Variants in MYO10 observed in about 807,000 individuals in gnomAD.
MYO10 encodes myosin X.
A neutral mutation model predicts 257.3 loss-of-function variants in MYO10; 133 were observed. That is an observed-to-expected ratio of 0.52 (90% CI 0.45 to 0.60). The LOEUF is 0.60. Among genes scored for constraint, MYO10 ranks in the 20% least tolerant of loss-of-function variants. MYO10 has a pLI of 0.00. For missense variants in MYO10, 2,399 were observed against 2,635.7 expected (o/e 0.91, Z 1.97); for synonymous variants, 1,104 against 1,028.6 (o/e 1.07, Z -1.40).
chr5:16,681,617 AAAG>A, intron 31 of MYO10, 114 bp from the exon 32 acceptor site: 3 of 1,201,396 alleles, frequency 2.5e-6, no homozygotes, highest in Non-Finnish European at 3.5e-6. Context: ...TTTGCCAGAA[AAAG>A]ACCACGAACA....
Position 16,935,873 on chromosome 5 carries a change from G to A in MYO10, c.-65C>T. The A allele has an allele frequency of 1.3e-6, 2 of 1,594,826 alleles. No individual in the cohort carries two copies. The highest frequency in any genetic ancestry group is 1.7e-6 in the Non-Finnish European group (2 of 1,170,508). ...ACTCGCGGAAGTCAGCGCCGCCGCGGGTCCGGGGAAACCATGCGTGTCACG... is the reference window on the plus strand; with the variant it reads ...ACTCGCGGAAGTCAGCGCCGCCGCGAGTCCGGGGAAACCATGCGTGTCACG... On this transcript the variant is annotated 5_prime_UTR_variant, in exon 1 of 41. Coordinates refer to ENST00000513610, the MANE Select transcript of MYO10 (RefSeq NM_012334.3).
At position 16,663,994 on chromosome 5, in the gene MYO10, G is replaced by C. The variant is rs1053511219; in HGVS notation, c.*2698C>G. 6.6e-6 allele frequency: 1 copy of C among 152,062 alleles called. No homozygotes were observed. The highest frequency in any genetic ancestry group is 2.4e-5 in the African/African-American group (1 of 41,388). 9.4% of individuals were successfully genotyped at this position (152,062 alleles called of 1,614,324 possible). A position where few individuals can be genotyped will look rare whatever the true frequency, so the allele number is the denominator to read the frequency against. ...CAACTGACATCACACACACCAATGA[G>C]TGCATGTAAAAGCAGTAAAATTGGA... is the stretch of plus-strand genomic sequence containing the variant. On this transcript the variant is annotated 3_prime_UTR_variant, in exon 41 of 41. Transcript: ENST00000513610.
intron 19 of MYO10, among the ~76,000 whole-genome samples, chr5:16,738,902 A>T (rs2126628804): frequency 6.6e-6 from 1 of 151,486 alleles, no homozygotes; most frequent in African/African-American, 2.4e-5. Context: ...AAAAAAAAAA[A>T]AAAAAAAAAG....
chr5:16,719,182 CA>C (rs1202470526), intron 19 of MYO10, among the ~76,000 whole-genome samples: 1 of 152,192 alleles, frequency 6.6e-6, no homozygotes, highest in Non-Finnish European at 1.5e-5. Flanking sequence ...ACCACGAGCC[CA>C]CCAGAAGGAA....
At position 16,761,629 on chromosome 5, in the gene MYO10, A is replaced by G. The variant is rs1740716460; in HGVS notation, c.1657-83T>C. 3.1e-6 allele frequency: 3 copies of G among 982,032 alleles called. No individual in the cohort carries two copies. In the South Asian group the frequency reaches 4.2e-5, roughly 14 times the overall value. The allele number at this position is 982,032 out of a possible 1,614,324, so 60.8% of individuals were successfully genotyped here. ...AGCAACTTCCCTGAAAGAGCCACAA[A>G]AAGAAATCATTCCAAGAAATTTATT... On this transcript the variant is annotated intron_variant, in intron 16 of 40. Coordinates refer to ENST00000513610, the MANE Select transcript of MYO10 (RefSeq NM_012334.3).
chr5:16,715,392 ATTTTTTTTTTTTT>A (rs372307063), intron 19 of MYO10, among the ~76,000 whole-genome samples: 1 of 84,340 alleles, frequency 1.2e-5, no homozygotes, highest in African/African-American at 4.7e-5. Context: ...TAAGATTGAA[ATTTTTTTTTTTTT>A]TTTTTTTTTT....
At chr5:16,840,234 G>A (rs1462338766) in intron 2 of MYO10, among the ~76,000 whole-genome samples, 2 of 152,136 alleles carry the variant, frequency 1.3e-5, no homozygotes, top group African/African-American at 2.4e-5. Context: ...ACAACATGGT[G>A]AAAACTTGTC....
intron 21 of MYO10, among the ~76,000 whole-genome samples, chr5:16,709,161 C>T (rs1379369628): frequency 6.6e-6 from 1 of 152,172 alleles, no homozygotes; most frequent in African/African-American, 2.4e-5. Flanking sequence ...GAGGAGGGGG[C>T]TTACCCCAGC....
At position 16,877,702 on chromosome 5, in the gene MYO10, T is replaced by C; in HGVS notation, c.27A>G (p.Thr9=). Residue 9 remains threonine (T), a synonymous_variant, in exon 2 of 41, where the codon ACA becomes ACG. Coordinates refer to ENST00000513610, the MANE Select transcript of MYO10 (RefSeq NM_012334.3). MDNFFTEG[T]RVWLRENGQH... is the part of the protein sequence containing the mutation. Reference sequence around the variant, plus strand: ...GGCCATTTTCTCTCAGCCAGACCCGTGTTCCCTGTAAACAAAACAAACAAG... The same window carrying C: ...GGCCATTTTCTCTCAGCCAGACCCGCGTTCCCTGTAAACAAAACAAACAAG... 6.2e-7 allele frequency: 1 copy of C among 1,612,708 alleles called. No homozygotes were observed. Among genetic ancestry groups the C allele is most frequent in the Non-Finnish European group, 8.5e-7 (1 of 1,179,240 alleles).
rs1320498326 is a variant in MYO10 at position 16,732,529 on chromosome 5, G to C, written c.1930-21284C>G. Among the ~76,000 whole-genome samples the C allele has an allele frequency of 2.0e-5, 3 of 152,134 alleles. 1 individual carries two copies. The highest frequency in any genetic ancestry group is 1.3e-4 in the Admixed American group (2 of 15,278). ...GTCATCAGCTCCTTTATTCAGACGT[G>C]TTCTGAAAAATCATGCTGAGAAATA... On this transcript the variant is annotated intron_variant, in intron 19 of 40. Transcript: ENST00000513610.
At chr5:16,781,612 G>A in intron 6 of MYO10, 93 bp downstream of exon 6, 1 of 1,286,078 alleles carries the variant, frequency 7.8e-7, no homozygotes, top group Non-Finnish European at 1.1e-6. Context: ...AGAAAGAAAT[G>A]TTTCACATTC....
At chr5:16,691,567 T>C (rs1299148581) in intron 27 of MYO10, among the ~76,000 whole-genome samples, 1 of 151,020 alleles carries the variant, frequency 6.6e-6, no homozygotes, top group Non-Finnish European at 1.5e-5. Context: ...AGCTTGGTAG[T>C]GCACACCTGT....
chr5:16,866,248 C>T (rs548607713), intron 2 of MYO10, among the ~76,000 whole-genome samples: 13 of 152,254 alleles, frequency 8.5e-5, no homozygotes, highest in African/African-American at 2.6e-4. Context: ...ACATACGCAA[C>T]GGCACCAGCG....
At chr5:16,928,718 G>A (rs181257964) in intron 1 of MYO10, among the ~76,000 whole-genome samples, 3 of 151,342 alleles carry the variant, frequency 2.0e-5, no homozygotes, top group South Asian at 2.1e-4. Context: ...GGTGGCAGGC[G>A]CCTGTAGTCC....
At chr5:16,724,179 G>A (rs1008403401) in intron 19 of MYO10, among the ~76,000 whole-genome samples, 9 of 152,106 alleles carry the variant, frequency 5.9e-5, no homozygotes, top group African/African-American at 1.9e-4. Flanking sequence ...CTTAAATAAC[G>A]CTGGAAACAT....
chr5:16,790,468 G>A (rs1349964444), intron 4 of MYO10, among the ~76,000 whole-genome samples: 1 of 152,114 alleles, frequency 6.6e-6, no homozygotes, highest in Non-Finnish European at 1.5e-5. Flanking sequence ...GTTGTGGGAG[G>A]GACCTGGTGG....
At chr5:16,766,692 C>G (rs2062483128) in intron 10 of MYO10, among the ~76,000 whole-genome samples, 1 of 151,866 alleles carries the variant, frequency 6.6e-6, no homozygotes, top group African/African-American at 2.4e-5. Context: ...GTCTTGATCT[C>G]TTGACCTCAT....
At chr5:16,798,434 T>C (rs1742028849) in intron 3 of MYO10, among the ~76,000 whole-genome samples, 1 of 152,088 alleles carries the variant, frequency 6.6e-6, no homozygotes, top group South Asian at 2.1e-4. Flanking sequence ...CATTTTGTCC[T>C]GTCGGAGCAC....
intron 6 of MYO10, 112 bp from the exon 7 acceptor site, chr5:16,780,853 C>A: frequency 8.9e-7 from 1 of 1,117,364 alleles, no homozygotes; most frequent in Non-Finnish European, 1.3e-6. Flanking sequence ...GTTCCCTGTT[C>A]CTTTGACATA....
Sources: allele counts gnomAD v4.1 joint callset (sites outside exome capture counted in the v4.1 genomes callset), GRCh38; gene constraint gnomAD v4.1.1; transcripts MANE v1.5; gene names NCBI Gene and HGNC (gene_info 2026-07-23, HGNC 2026-07-21).